LRRIQ1: variants seen among roughly 807,000 people sequenced by gnomAD.
LRRIQ1 encodes the protein leucine rich repeats and IQ motif containing 1.
In LRRIQ1, 210 loss-of-function variants were observed where a neutral mutation model predicts 211.9. That is an observed-to-expected ratio of 0.99 (90% CI 0.89 to 1.11). The LOEUF is 1.11. LRRIQ1 is among the 50% of genes most tolerant of loss of function. The pLI, the probability that LRRIQ1 is intolerant of heterozygous loss-of-function variation, is 0.00. For synonymous variants in LRRIQ1, 699 were observed against 650.1 expected, an observed-to-expected ratio of 1.08 and a Z score of -1.14; for missense variants, 2,136 against 1,939.5, an observed-to-expected ratio of 1.10 and a Z score of -1.90.
intron 1 of LRRIQ1, among the ~76,000 whole-genome samples, chr12:85,252,224 T>A (rs960637032): frequency 3.9e-5 from 6 of 151,900 alleles, no homozygotes; most frequent in African/African-American, 1.2e-4. Context: ...TATAAATATT[T>A]AGTAGTTGAT....
At chr12:85,160,076 C>T (rs1284425660) in intron 23 of LRRIQ1, among the ~76,000 whole-genome samples, 1 of 151,924 alleles carries the variant, frequency 6.6e-6, no homozygotes, top group African/African-American at 2.4e-5. Context: ...GCTACTTTAG[C>T]ATTTAATTAA....
intron 24 of LRRIQ1, among the ~76,000 whole-genome samples, chr12:85,208,055 T>TTA (rs778827703): frequency 4.3e-4 from 65 of 152,148 alleles, no homozygotes; most frequent in South Asian, 8.3e-4. Flanking sequence ...TGACAAAGTT[T>TTA]TATATATATA....
intron 24 of LRRIQ1, among the ~76,000 whole-genome samples, chr12:85,163,481 G>C (rs570053030): frequency 4.6e-5 from 7 of 152,042 alleles, no homozygotes; most frequent in African/African-American, 7.2e-5. Context: ...TGTTGAAATT[G>C]GATCATACTG....
In LRRIQ1 at chr12:85,162,712, A is replaced by G. The variant is rs576240736; in HGVS notation, c.4822+1998A>G. The G allele has an allele frequency of 7.4e-4, 334 of 453,070 alleles. 1 individual carries two copies. Among genetic ancestry groups the G allele is most frequent in the Middle Eastern group, 3.9e-3 (12 of 3,038 alleles). 28.1% of individuals were successfully genotyped at this position (453,070 alleles called of 1,614,324 possible). On this transcript the variant is annotated intron_variant, in intron 24 of 26. Transcript: ENST00000393217. ...GGCCTATAGAATATAAAACATTTCC[A>G]CATAAGCTTTACGATGTGATGTTCT... is the stretch of plus-strand genomic sequence containing the variant.
downstream of LRRIQ1, among the ~76,000 whole-genome samples, chr12:85,269,258 C>G (rs1565936237): frequency 6.6e-6 from 1 of 151,798 alleles, no homozygotes; most frequent in Non-Finnish European, 1.5e-5. Context: ...TGTATAATCT[C>G]TAGGTGGAAA....
intron 2 of LRRIQ1, 132 bp downstream of exon 2, chr12:85,038,440 A>T: frequency 4.9e-6 from 2 of 405,530 alleles, no homozygotes; most frequent in Non-Finnish European, 7.6e-6. Context: ...AATATAAATT[A>T]TATTGAATAT....
intron 24 of LRRIQ1, among the ~76,000 whole-genome samples, chr12:85,224,666 T>C (rs963812258): frequency 7.3e-6 from 1 of 136,650 alleles, no homozygotes; most frequent in East Asian, 2.2e-4. Context: ...TTCTCACTCA[T>C]AATTGGGAGT....
intron 24 of LRRIQ1, among the ~76,000 whole-genome samples, chr12:85,194,609 T>A (rs1436772050): frequency 1.3e-5 from 2 of 151,654 alleles, no homozygotes; most frequent in Non-Finnish European, 2.9e-5. Context: ...GAAATAAAGA[T>A]GTTCTTTGAA....
intron 3 of LRRIQ1, among the ~76,000 whole-genome samples, chr12:85,042,968 G>A (rs993459353): frequency 1.3e-5 from 2 of 152,060 alleles, no homozygotes; most frequent in African/African-American, 4.8e-5. Context: ...AGACACTCTA[G>A]CTACTTTAGG....
chr12:85,126,095 T>C (rs1888355444), intron 17 of LRRIQ1, among the ~76,000 whole-genome samples: 1 of 152,166 alleles, frequency 6.6e-6, no homozygotes, highest in African/African-American at 2.4e-5. Flanking sequence ...GAGTTGTTTT[T>C]CTTAACCTGT....
At chr12:85,167,595 C>G (rs1320400353) in intron 24 of LRRIQ1, among the ~76,000 whole-genome samples, 1 of 152,170 alleles carries the variant, frequency 6.6e-6, no homozygotes, top group Non-Finnish European at 1.5e-5. Flanking sequence ...TCCATCTTCT[C>G]CTGCCTACTT....
chr12:85,092,460 A>G (rs1885491096), intron 11 of LRRIQ1, among the ~76,000 whole-genome samples: 1 of 152,218 alleles, frequency 6.6e-6, no homozygotes, highest in Non-Finnish European at 1.5e-5. Flanking sequence ...AAAGCCAAAC[A>G]TCACCGGAGA....
intron 1 of LRRIQ1, among the ~76,000 whole-genome samples, chr12:85,253,328 T>C (rs1298738686): frequency 6.6e-6 from 1 of 152,066 alleles, no homozygotes; most frequent in Non-Finnish European, 1.5e-5. Context: ...ACAGTTTGAG[T>C]AACTGCTGTT....
At position 85,124,157 on chromosome 12, in the gene LRRIQ1, C is replaced by G. The variant is rs143339016; in HGVS notation, c.3645C>G (p.His1215Gln). Residue 1215 changes from histidine (H) to glutamine (Q), a missense_variant, in exon 17 of 27, where the codon CAC becomes CAG. Transcript: ENST00000393217. ...MILSTEYRHA[H>Q]ERGDVTITKK... ...TTAGTACTGAATACCGACATGCACA[C>G]GAACGAGGGGATGTAACTATCACCA... 6.2e-7 allele frequency: 1 copy of G among 1,613,998 alleles called. No homozygotes were observed. Among genetic ancestry groups the G allele is most frequent in the East Asian group, 2.2e-5 (1 of 44,876 alleles).
At chr12:85,212,189 G>A (rs1893867348) in intron 24 of LRRIQ1, among the ~76,000 whole-genome samples, 1 of 152,090 alleles carries the variant, frequency 6.6e-6, no homozygotes, top group Admixed American at 6.5e-5. Flanking sequence ...GGAGGCTGAG[G>A]TGGGAGAATC....
Position 85,175,294 on chromosome 12 carries a change from C to T in LRRIQ1, c.4822+14580C>T, listed in dbSNP as rs139995426. ...AGAGATCTCAAGATGACAGCTCACA[C>T]GGGCTTAGAGAATAAACATTCCATG... On this transcript the variant is annotated intron_variant, in intron 24 of 26. Transcript: ENST00000393217. Among the ~76,000 whole-genome samples the T allele has an allele frequency of 1.2e-3, 184 of 152,202 alleles. 4 individuals carry two copies. In the East Asian group the frequency reaches 0.032, roughly 26 times the overall value.
chr12:85,085,044 A>G (rs374677408), intron 11 of LRRIQ1, among the ~76,000 whole-genome samples: 47 of 152,300 alleles, frequency 3.1e-4, no homozygotes, highest in African/African-American at 1.1e-3. Context: ...TGGTTGTAAC[A>G]TTTATTCTCA....
chr12:85,188,611 C>T (rs535435004), intron 24 of LRRIQ1, among the ~76,000 whole-genome samples: 2 of 152,232 alleles, frequency 1.3e-5, no homozygotes, highest in South Asian at 4.1e-4. Context: ...TTGAAATACT[C>T]TCTTATCTGA....
intron 24 of LRRIQ1, among the ~76,000 whole-genome samples, chr12:85,163,161 C>T (rs1313704466): frequency 1.3e-5 from 2 of 152,118 alleles, no homozygotes; most frequent in Non-Finnish European, 2.9e-5. Flanking sequence ...TAGAGAGTGC[C>T]TCCTGAACCC....
Sources: allele counts gnomAD v4.1 joint callset (sites outside exome capture counted in the v4.1 genomes callset), GRCh38; gene constraint gnomAD v4.1.1; transcripts MANE v1.5; gene names NCBI Gene and HGNC (gene_info 2026-07-23, HGNC 2026-07-21).